ADGRL1: variants seen among roughly 807,000 people sequenced by gnomAD.
The protein encoded by ADGRL1 is adhesion G protein-coupled receptor L1.
In ADGRL1, 31 loss-of-function variants were observed where a neutral mutation model predicts 148.9. That is an observed-to-expected ratio of 0.21 (90% confidence interval 0.16 to 0.28). The LOEUF (loss-of-function observed/expected upper bound fraction) is 0.28. Among genes scored for constraint, ADGRL1 ranks in the 10% least tolerant of loss-of-function variants. The pLI is 1.00. For missense variants in ADGRL1, 1,521 were observed against 2,058.8 expected (o/e 0.74, Z 5.05); for synonymous variants, 937 against 900.3 (o/e 1.04, Z -0.73).
chr19:14,184,296 G>A (rs1337259249), intron 1 of ADGRL1, among the ~76,000 whole-genome samples: 2 of 152,142 alleles, frequency 1.3e-5, no homozygotes, highest in Non-Finnish European at 2.9e-5. Context: ...CAGGCGGGGT[G>A]GGAGGCGGAC....
chr19:14,164,456 T>C (rs1969752789), intron 4 of ADGRL1, among the ~76,000 whole-genome samples: 1 of 151,392 alleles, frequency 6.6e-6, no homozygotes, highest in Non-Finnish European at 1.5e-5. Context: ...GAGAGAGGGG[T>C]GAGCAGAGAA....
At chr19:14,184,646 A>ATTTTTATT (rs1555790750) in intron 1 of ADGRL1, among the ~76,000 whole-genome samples, 5 of 97,732 alleles carry the variant, frequency 5.1e-5, no homozygotes, top group Non-Finnish European at 8.1e-5. Context: ...TTATTTATTT[A>ATTTTTATT]TTTTTTTTTC....
chr19:14,179,560 C>T (rs1971051389), intron 2 of ADGRL1, among the ~76,000 whole-genome samples: 1 of 152,012 alleles, frequency 6.6e-6, no homozygotes, highest in Admixed American at 6.6e-5. Context: ...GATACCTTGA[C>T]CTCAGACTTC....
At chr19:14,191,387 C>T (rs1416818135) in intron 1 of ADGRL1, 1 of 456,700 alleles carries the variant, frequency 2.2e-6, no homozygotes, top group South Asian at 1.5e-5. Context: ...CCTCAGAGGG[C>T]AGCTGTGCAA....
At chr19:14,156,470 C>T (rs1451094577) in intron 16 of ADGRL1, among the ~76,000 whole-genome samples, 188 bp downstream of exon 16, 1 of 151,694 alleles carries the variant, frequency 6.6e-6, no homozygotes, top group Non-Finnish European at 1.5e-5. Context: ...GGCGAGCAGC[C>T]CTCAGCACTG....
intron 11 of ADGRL1, among the ~76,000 whole-genome samples, 171 bp downstream of exon 11, chr19:14,158,919 C>T (rs1425821403): frequency 6.6e-6 from 1 of 152,290 alleles, no homozygotes; most frequent in Non-Finnish European, 1.5e-5. Flanking sequence ...GTAAGGCTCA[C>T]CCTTAGGGCT....
chr19:14,194,515 A>ATAACCT (rs1972136467), intron 1 of ADGRL1, among the ~76,000 whole-genome samples: 1 of 152,202 alleles, frequency 6.6e-6, no homozygotes, highest in Non-Finnish European at 1.5e-5. Context: ...AACTCATGTA[A>ATAACCT]TCCTAATAAC....
At chr19:14,170,658 C>A in intron 4 of ADGRL1, 24 bp downstream of exon 4, 1 of 1,456,624 alleles carries the variant, frequency 6.9e-7, no homozygotes, top group Non-Finnish European at 9.6e-7. Flanking sequence ...GGCCCGCATC[C>A]GCACAAGGAA....
intron 1 of ADGRL1, among the ~76,000 whole-genome samples, chr19:14,205,636 T>TC (rs1048483335): frequency 6.7e-6 from 1 of 150,030 alleles, no homozygotes. Flanking sequence ...CCGCGCCGCT[T>TC]CCCCACAAAG....
At chr19:14,191,250 C>T (rs1971916903) in intron 1 of ADGRL1, 1 of 456,614 alleles carries the variant, frequency 2.2e-6, no homozygotes, top group Non-Finnish European at 4.4e-6. Context: ...GGTGTCCTCC[C>T]CAGAGACGCA....
chr19:14,204,545 T>C (rs1972833159), intron 1 of ADGRL1, among the ~76,000 whole-genome samples: 1 of 151,858 alleles, frequency 6.6e-6, no homozygotes, highest in Non-Finnish European at 1.5e-5. Flanking sequence ...CAATGGTCTG[T>C]CCCCAAACAG....
rs769960369 is a variant in ADGRL1, at chr19:14,152,358, G to A, written c.3600C>T (p.Ala1200=). 1.2e-5 allele frequency: 19 copies of A among 1,599,896 alleles called. No individual in the cohort carries two copies. In the East Asian group the frequency reaches 1.3e-4, roughly 11 times the overall value. The change falls in exon 21 of 23, where the codon GCC becomes GCT. Residue 1200 remains alanine (A), a synonymous_variant. Coordinates refer to ENST00000361434, the MANE Select transcript of ADGRL1 (RefSeq NM_014921.5). This position sits in a 1 kb window ranked among gnomAD's most constrained non-coding sequence, Gnocchi z 6.1. The part of the protein sequence containing the change: ...GGTSPYNTLI[A]ESVGFNPSSP... Reference sequence around the variant, plus strand: ...AGGAGGGATTGAAGCCCACTGACTCGGCGATGAGGGTGTTGTAGGGACTGG... The same window carrying A: ...AGGAGGGATTGAAGCCCACTGACTCAGCGATGAGGGTGTTGTAGGGACTGG...
At chr19:14,178,537 A>G (rs1970975326) in intron 2 of ADGRL1, among the ~76,000 whole-genome samples, 1 of 151,980 alleles carries the variant, frequency 6.6e-6, no homozygotes, top group Non-Finnish European at 1.5e-5. Context: ...CGTTGTTGTT[A>G]AGATAGGATC....
Position 14,155,386 on chromosome 19 carries a change from G to C in ADGRL1, c.3267C>G (p.Phe1089Leu). The C allele has an allele frequency of 6.2e-7, 1 of 1,614,052 alleles. No homozygotes were observed. Among genetic ancestry groups the C allele is most frequent in the Non-Finnish European group, 8.5e-7 (1 of 1,179,972 alleles). Residue 1089 changes from phenylalanine to leucine, a missense_variant, in exon 18 of 23, where the codon TTC becomes TTG. Phe to Leu is a conservative substitution (Grantham distance 22, BLOSUM62 0). Around this residue, in one of 8 missense-constraint regions of ADGRL1, gnomAD observed 185 missense variants for 251.7 expected, o/e 0.74. Coordinates refer to ENST00000361434, the MANE Select transcript of ADGRL1 (RefSeq NM_014921.5). The surrounding 1 kb of genome is among the most constrained non-coding windows in gnomAD (Gnocchi z 5.0). ...TFNAFQGVFIFVFHCALQKKV... is the reference protein window; with the variant it reads ...TFNAFQGVFILVFHCALQKKV... ...TCTTCTGTAAGGCGCAGTGAAAGAC[G>C]AAGATGAAGACCCCCTGGAAGGCGT... is the stretch of plus-strand genomic sequence containing the variant.
At position 14,160,066 on chromosome 19, in the gene ADGRL1, G is replaced by T; in HGVS notation, c.1800+46C>A. 6.5e-7 allele frequency: 1 copy of T among 1,530,076 alleles called. No individual in the cohort carries two copies. The highest frequency in any genetic ancestry group is 1.9e-5 in the Admixed American group (1 of 53,212). 94.8% of individuals were successfully genotyped at this position (1,530,076 alleles called of 1,614,324 possible). Reference sequence around the variant, plus strand: ...TCAGGTACTTCCCAAGCCCCTGGGGGCAGGCGCCCTCCCCATACCAGGTCA... The same window carrying T: ...TCAGGTACTTCCCAAGCCCCTGGGGTCAGGCGCCCTCCCCATACCAGGTCA... On this transcript the variant is annotated intron_variant, in intron 8 of 22. Coordinates refer to ENST00000361434, the MANE Select transcript of ADGRL1 (RefSeq NM_014921.5). This position sits in a 1 kb window ranked among gnomAD's most constrained non-coding sequence, Gnocchi z 5.9.
At chr19:14,188,975 C>G (rs998597207) in intron 1 of ADGRL1, among the ~76,000 whole-genome samples, 1 of 152,002 alleles carries the variant, frequency 6.6e-6, no homozygotes, top group African/African-American at 2.4e-5. Flanking sequence ...TAGTCTGGAA[C>G]TCCTGACCTC....
chr19:14,203,269 C>T (rs563960374), intron 1 of ADGRL1, among the ~76,000 whole-genome samples: 46 of 152,304 alleles, frequency 3.0e-4, no homozygotes, highest in African/African-American at 1.1e-3. Context: ...GGAACCCACA[C>T]AGAAACGAGA....
chr19:14,165,326 A>G (rs934086955), intron 4 of ADGRL1, among the ~76,000 whole-genome samples: 3 of 152,068 alleles, frequency 2.0e-5, no homozygotes, highest in African/African-American at 7.2e-5. Context: ...TGTCCAGCAC[A>G]CTGGCCTCTG....
At chr19:14,173,215 C>A (rs879556644) in intron 3 of ADGRL1, among the ~76,000 whole-genome samples, 48 of 152,138 alleles carry the variant, frequency 3.2e-4, no homozygotes, top group African/African-American at 1.1e-3. Context: ...CCCGTCTCGA[C>A]CTCCCAAAGT....
Sources: gnomAD v4.1 joint callset for allele counts (sites outside exome capture counted in the v4.1 genomes callset) on GRCh38, gnomAD v4.1.1 for gene constraint, gnomAD v4.1.1 regional missense constraint, Gnocchi (gnomAD v3.1) non-coding constraint, MANE v1.5 for transcripts, NCBI Gene and HGNC (gene_info 2026-07-23, HGNC 2026-07-21) for gene names.